The following TMEM9 variants were observed in gnomAD, a reference collection of about 807,000 sequenced individuals.
The protein encoded by TMEM9 is proton-transporting V-type ATPase complex assembly regulator TMEM9.
In TMEM9, 13 loss-of-function variants were observed where a neutral mutation model predicts 22.8. The observed-to-expected ratio is 0.57, with a 90% confidence interval of 0.37 to 0.91. The LOEUF (loss-of-function observed/expected upper bound fraction) is 0.91, where lower values mean the gene tolerates loss of function less well. TMEM9 is among the 40% of genes least tolerant of loss of function. The pLI is 0.01. For synonymous variants in TMEM9, 88 were observed against 93.0 expected, an observed-to-expected ratio of 0.95 and a Z score of 0.31; for missense variants, 182 against 238.1, an observed-to-expected ratio of 0.76 and a Z score of 1.55.
intron 4 of TMEM9, among the ~76,000 whole-genome samples, chr1:201,136,708 G>T (rs905209113): frequency 6.6e-6 from 1 of 152,210 alleles, no homozygotes; most frequent in Non-Finnish European, 1.5e-5. Context: ...CGGAGCCTCT[G>T]CATTTCCTGC....
intron 3 of TMEM9, among the ~76,000 whole-genome samples, chr1:201,145,963 A>G (rs1039244053): frequency 2.0e-5 from 3 of 152,222 alleles, no homozygotes; most frequent in African/African-American, 7.2e-5. Flanking sequence ...CCCAGTCTCT[A>G]AAAAACAAAC....
chr1:201,151,889 C>G (rs1387500375), intron 1 of TMEM9, 37 bp from the exon 2 acceptor site: 4 of 1,554,972 alleles, frequency 2.6e-6, no homozygotes, highest in Non-Finnish European at 2.7e-6. Flanking sequence ...TGCAGAGACC[C>G]TGCCTGGGGT....
chr1:201,142,759 C>T (rs555331085), intron 4 of TMEM9, among the ~76,000 whole-genome samples: 2 of 152,368 alleles, frequency 1.3e-5, no homozygotes, highest in Admixed American at 6.5e-5. Context: ...CAGCCAACCC[C>T]GCCTGCCTTG....
chr1:201,149,696 T>G (rs1003674113), intron 2 of TMEM9, among the ~76,000 whole-genome samples: 1 of 152,074 alleles, frequency 6.6e-6, no homozygotes, highest in African/African-American at 2.4e-5. Context: ...AGGAGAAGGG[T>G]GCAAGTGTTC....
At chr1:201,166,384 CAG>C (rs200126766) in intron 1 of TMEM9, among the ~76,000 whole-genome samples, 2,178 of 146,714 alleles carry the variant, frequency 0.015, 61 homozygotes, top group African/African-American at 0.052. Flanking sequence ...TTTTTTGATA[CAG>C]AGTCTCACTC....
chr1:201,163,704 TA>T (rs145516868), intron 1 of TMEM9, among the ~76,000 whole-genome samples: 26 of 149,620 alleles, frequency 1.7e-4, no homozygotes, highest in Middle Eastern at 3.4e-3. Flanking sequence ...ATGGCTAAAA[TA>T]AAAAAAAAAT....
At chr1:201,165,178 A>ATATATATATATATATATT (rs1666042519) in intron 1 of TMEM9, among the ~76,000 whole-genome samples, 3 of 137,670 alleles carry the variant, frequency 2.2e-5, no homozygotes, top group African/African-American at 5.2e-5. Context: ...ATATATATAT[A>ATATATATATATATATATT]TTCATTATCA....
chr1:201,165,668 C>T (rs1666057986), intron 1 of TMEM9, among the ~76,000 whole-genome samples: 1 of 152,156 alleles, frequency 6.6e-6, no homozygotes, highest in African/African-American at 2.4e-5. Flanking sequence ...AACTCCTGAC[C>T]TCGTGATCCT....
chr1:201,158,683 C>T (rs1318031773), upstream of TMEM9, among the ~76,000 whole-genome samples: 1 of 152,112 alleles, frequency 6.6e-6, no homozygotes, highest in East Asian at 1.9e-4. Context: ...GTGCACTCTC[C>T]CCAGCAGAGG....
chr1:201,163,160 G>C (rs374163011), intron 1 of TMEM9, among the ~76,000 whole-genome samples: 2 of 152,046 alleles, frequency 1.3e-5, no homozygotes, highest in Non-Finnish European at 2.9e-5. Flanking sequence ...GATGGTGCAC[G>C]CCTGTAGTAC....
chr1:201,140,952 G>A (rs12059503), intron 4 of TMEM9, among the ~76,000 whole-genome samples: 22,236 of 151,994 alleles, frequency 0.15, 1,740 homozygotes, highest in Non-Finnish European at 0.18. Context: ...ATTATCCCTC[G>A]TCGTCCAGGA....
At chr1:201,141,065 C>A (rs1188782414) in intron 4 of TMEM9, among the ~76,000 whole-genome samples, 1 of 152,216 alleles carries the variant, frequency 6.6e-6, no homozygotes, top group African/African-American at 2.4e-5. Context: ...CCCAACCACC[C>A]TGAGTGGGCA....
chr1:201,145,959 C>G (rs554912583), intron 3 of TMEM9, among the ~76,000 whole-genome samples: 66 of 152,270 alleles, frequency 4.3e-4, no homozygotes, highest in African/African-American at 1.6e-3. Flanking sequence ...CAGACCCAGT[C>G]TCTAAAAAAC....
chr1:201,169,040 G>A (rs914276355), intron 1 of TMEM9, among the ~76,000 whole-genome samples: 19 of 150,618 alleles, frequency 1.3e-4, no homozygotes, highest in African/African-American at 4.2e-4. Flanking sequence ...GGGCTAAAGC[G>A]ATTAGAGGGA....
At chr1:201,150,769 T>C (rs1665361251) in intron 2 of TMEM9, among the ~76,000 whole-genome samples, 1 of 152,196 alleles carries the variant, frequency 6.6e-6, no homozygotes, top group South Asian at 2.1e-4. Flanking sequence ...CACTCCGTAT[T>C]TGAAGAATCA....
Position 201,154,052 on chromosome 1 carries a change from G to C in TMEM9, c.-129C>G. ...TAACCATCCGGCCAAGTGGGAATGG[G>C]GTTGGGGGCTGGGCTCCAGGATTCC... On this transcript the variant is annotated 5_prime_UTR_variant, in exon 1 of 5. Transcript: ENST00000367330. 1 of 1,128,878 alleles carries C rather than the reference G, an allele frequency of 8.9e-7. No homozygotes were observed. The highest frequency in any genetic ancestry group is 1.2e-6 in the Non-Finnish European group (1 of 812,696). The allele number at this position is 1,128,878 out of a possible 1,614,324, so 69.9% of individuals were successfully genotyped here.
chr1:201,142,897 C>A (rs1188046392), intron 4 of TMEM9, among the ~76,000 whole-genome samples: 2 of 152,242 alleles, frequency 1.3e-5, no homozygotes, highest in African/African-American at 2.4e-5. Context: ...TTCCCCTAGA[C>A]CACCTGGGGA....
At chr1:201,136,772 C>A (rs1664028534) in intron 4 of TMEM9, among the ~76,000 whole-genome samples, 2 of 152,200 alleles carry the variant, frequency 1.3e-5, no homozygotes, top group Admixed American at 1.3e-4. Context: ...AGGCCCACAC[C>A]CCCGTGGGGA....
In TMEM9 at chr1:201,151,870, T is replaced by C. The variant is rs200302520; in HGVS notation, c.67-18A>G. ...TCAGAACTCTGGAAAAGAAAGCACA[T>C]GTCAAGTATGCAGAGACCCTGCCTG... On this transcript the variant is annotated intron_variant, in intron 1 of 4. Transcript: ENST00000367330. 1.8e-4 allele frequency: 296 copies of C among 1,603,768 alleles called. 1 individual carries two copies. The highest frequency in any genetic ancestry group is 3.2e-4 in the African/African-American group (24 of 74,794).
Sources: gnomAD v4.1 joint callset for allele counts (sites outside exome capture counted in the v4.1 genomes callset) on GRCh38, gnomAD v4.1.1 for gene constraint, MANE v1.5 for transcripts, NCBI Gene and HGNC (gene_info 2026-07-23, HGNC 2026-07-21) for gene names.